The following TBC1D2 variants were observed in gnomAD, a reference collection of about 807,000 sequenced individuals.
The protein encoded by TBC1D2 is TBC1 domain family member 2, also known as TBC1 domain family member 2A.
In TBC1D2, 58 loss-of-function variants were observed where a neutral mutation model predicts 91.1. That is an observed-to-expected ratio of 0.64 (90% CI 0.52 to 0.79). The LOEUF is 0.79. Among genes scored for constraint, TBC1D2 ranks in the 30% least tolerant of loss-of-function variants. The probability of loss-of-function intolerance (pLI) is 0.00; values close to 1 mark genes in which losing one functional copy is unlikely to be tolerated. For missense variants in TBC1D2, 1,080 were observed against 1,208.3 expected, an observed-to-expected ratio of 0.89 and a Z score of 1.57; for synonymous variants, 482 against 511.5, an observed-to-expected ratio of 0.94 and a Z score of 0.78.
Position 98,255,423 on chromosome 9 carries a change from G to A in TBC1D2, c.119C>T (p.Ser40Phe), listed in dbSNP as rs749136585. Reference protein sequence around the residue: ...PEEESGDCARSLEAVPKKLCG... With the variant: ...PEEESGDCARFLEAVPKKLCG... ...GAGTTTCTTGGGGACCGCCTCCAGG[G>A]ACCGGGCGCAGTCCCCCGATTCTTC... is the stretch of plus-strand genomic sequence containing the variant. The change falls in exon 1 of 13, where the codon TCC becomes TTC. Residue 40 changes from serine (S) to phenylalanine (F), a missense_variant. By Grantham distance (155) the Ser-to-Phe change is radical. Transcript: ENST00000465784. The A allele has an allele frequency of 1.9e-6, 3 of 1,611,378 alleles. No homozygotes were observed. Among genetic ancestry groups the A allele is most frequent in the East Asian group, 4.5e-5 (2 of 44,856 alleles).
intron 2 of TBC1D2, among the ~76,000 whole-genome samples, chr9:98,246,805 A>G (rs768655897): frequency 6.6e-6 from 1 of 152,136 alleles, no homozygotes; most frequent in Non-Finnish European, 1.5e-5. Flanking sequence ...AAGGGGTTTC[A>G]GACCCAGAGC....
intron 4 of TBC1D2, among the ~76,000 whole-genome samples, chr9:98,232,872 C>A (rs1772924377): frequency 6.6e-6 from 1 of 152,210 alleles, no homozygotes; most frequent in South Asian, 2.1e-4. Context: ...GGCTGGAGTG[C>A]TGTGGTGCAA....
intron 2 of TBC1D2, 146 bp downstream of exon 2, chr9:98,251,639 A>G: frequency 1.6e-6 from 2 of 1,277,720 alleles, no homozygotes; most frequent in South Asian, 3.9e-5. Context: ...CCTCAGCCCA[A>G]ATTCTTGCCC....
At chr9:98,242,037 A>C (rs1829649169) in intron 3 of TBC1D2, among the ~76,000 whole-genome samples, 1 of 152,192 alleles carries the variant, frequency 6.6e-6, no homozygotes, top group Admixed American at 6.5e-5. Flanking sequence ...AAGCCAGCAG[A>C]GGGAAATACT....
chr9:98,201,336 G>A (rs1828494430), intron 11 of TBC1D2, 143 bp downstream of exon 11: 1 of 711,814 alleles, frequency 1.4e-6, no homozygotes, highest in Non-Finnish European at 2.3e-6. Flanking sequence ...AAAGCATTTT[G>A]CAGTTGACAA....
intron 9 of TBC1D2, among the ~76,000 whole-genome samples, chr9:98,205,946 G>T: frequency 6.6e-6 from 1 of 151,948 alleles, no homozygotes; most frequent in South Asian, 2.1e-4. Context: ...GCCTCCAAAA[G>T]AATACGTTGC....
At chr9:98,213,310 T>C in intron 6 of TBC1D2, 92 bp from the exon 7 acceptor site, 1 of 1,548,050 alleles carries the variant, frequency 6.5e-7, no homozygotes, top group South Asian at 1.2e-5. Flanking sequence ...CCAAAGCTTC[T>C]TTTCCTTAGA....
At chr9:98,199,643 A>G (rs937539883) in intron 12 of TBC1D2, 55 bp from the exon 13 acceptor site, 104 of 1,589,618 alleles carry the variant, frequency 6.5e-5, no homozygotes, top group Non-Finnish European at 8.5e-5. Context: ...GCCGGCGTTT[A>G]CCCGGCTCTC....
intron 2 of TBC1D2, among the ~76,000 whole-genome samples, chr9:98,251,066 C>T (rs1322530433): frequency 1.3e-5 from 2 of 152,086 alleles, no homozygotes; most frequent in African/African-American, 4.8e-5. Context: ...GCGGGTAGAT[C>T]ACGAGGTCAG....
intron 5 of TBC1D2, among the ~76,000 whole-genome samples, chr9:98,226,124 G>A (rs1282185509): frequency 6.6e-6 from 1 of 152,236 alleles, no homozygotes; most frequent in Non-Finnish European, 1.5e-5. Context: ...GCACCCAGAA[G>A]TTGTGCTGGC....
intron 5 of TBC1D2, among the ~76,000 whole-genome samples, chr9:98,224,817 G>T (rs993206330): frequency 6.6e-6 from 1 of 152,128 alleles, no homozygotes; most frequent in Admixed American, 6.5e-5. Context: ...TTCTGGATCC[G>T]TGGGGGGTGT....
chr9:98,243,634 T>G (rs1387910169), intron 3 of TBC1D2, among the ~76,000 whole-genome samples: 1 of 151,510 alleles, frequency 6.6e-6, no homozygotes, highest in Non-Finnish European at 1.5e-5. Flanking sequence ...CCTCCTGGGT[T>G]CAAGCGATTC....
chr9:98,206,719 A>C (rs993386040), intron 9 of TBC1D2, among the ~76,000 whole-genome samples: 1 of 152,110 alleles, frequency 6.6e-6, no homozygotes, highest in Non-Finnish European at 1.5e-5. Flanking sequence ...ATTTGTGGTG[A>C]GACAACGGGC....
chr9:98,254,043 T>C (rs574030049), intron 1 of TBC1D2, among the ~76,000 whole-genome samples: 1 of 152,214 alleles, frequency 6.6e-6, no homozygotes, highest in Admixed American at 6.5e-5. Context: ...TGGCCAGGGA[T>C]TCCTGAGTTT....
intron 11 of TBC1D2, 29 bp downstream of exon 11, chr9:98,201,450 C>G: frequency 6.2e-7 from 1 of 1,604,448 alleles, no homozygotes; most frequent in Non-Finnish European, 8.5e-7. Flanking sequence ...GCTCAGGGGC[C>G]CCCTGCCCAT....
chr9:98,219,140 A>G (rs377535704), intron 6 of TBC1D2, among the ~76,000 whole-genome samples: 1 of 152,384 alleles, frequency 6.6e-6, no homozygotes, highest in African/African-American at 2.4e-5. Context: ...GCTGAAAGAA[A>G]GGGAAGGGAA....
rs1829077350 is a variant in TBC1D2, at chr9:98,220,826, C to T, written c.1374+7G>A. On this transcript the variant is annotated splice_region_variant and intron_variant, in intron 6 of 12. Transcript: ENST00000465784. ...AGGACTGGCAGGCCCTGAGGGGAGG[C>T]CCCTACCTTCAGGTGCTCTATCTTC... 1.9e-6 allele frequency: 3 copies of T among 1,610,660 alleles called. No individual in the cohort carries two copies. Among genetic ancestry groups the T allele is most frequent in the Non-Finnish European group, 2.5e-6 (3 of 1,178,458 alleles).
At chr9:98,244,590 C>T (rs773825155) in intron 2 of TBC1D2, among the ~76,000 whole-genome samples, 4 of 130,910 alleles carry the variant, frequency 3.1e-5, no homozygotes, top group Non-Finnish European at 6.2e-5. Context: ...ACCTGGGTGG[C>T]GGAGGTTGCA....
At chr9:98,201,878 A>G (rs1451692866) in intron 10 of TBC1D2, among the ~76,000 whole-genome samples, 1 of 152,202 alleles carries the variant, frequency 6.6e-6, no homozygotes, top group Non-Finnish European at 1.5e-5. Flanking sequence ...AATATAGGCC[A>G]GAGTCCTCTG....
Sources: allele counts gnomAD v4.1 joint callset (sites outside exome capture counted in the v4.1 genomes callset), GRCh38; gene constraint gnomAD v4.1.1; transcripts MANE v1.5; gene names NCBI Gene and HGNC (gene_info 2026-07-23, HGNC 2026-07-21).